Variants in LDLRAD3 observed in about 807,000 individuals in gnomAD.
The protein encoded by LDLRAD3 is low density lipoprotein receptor class A domain containing 3.
Under a neutral mutation model 29.4 loss-of-function variants are expected in LDLRAD3, and 20 were observed. That is an observed-to-expected ratio of 0.68 (90% confidence interval 0.48 to 0.99). The LOEUF (loss-of-function observed/expected upper bound fraction) is 0.99. Ranked by LOEUF, LDLRAD3 falls within the 50% of genes least tolerant of loss-of-function variation. The pLI is 0.00. For synonymous variants in LDLRAD3, 157 were observed against 192.7 expected, an observed-to-expected ratio of 0.81 and a Z score of 1.53; for missense variants, 420 against 454.3, an observed-to-expected ratio of 0.92 and a Z score of 0.69.
At chr11:36,025,591 C>G (rs939682996) in intron 1 of LDLRAD3, among the ~76,000 whole-genome samples, 10 of 151,412 alleles carry the variant, frequency 6.6e-5, no homozygotes, top group East Asian at 5.9e-4. Context: ...GGGTTTCACC[C>G]TGTTAGCCAG....
chr11:36,112,886 T>C (rs1435985671), intron 4 of LDLRAD3, among the ~76,000 whole-genome samples: 1 of 152,238 alleles, frequency 6.6e-6, no homozygotes, highest in African/African-American at 2.4e-5. Context: ...CTCTGCCTTT[T>C]CAGTGAAGCC....
intron 4 of LDLRAD3, among the ~76,000 whole-genome samples, chr11:36,187,725 A>C (rs968163272): frequency 3.3e-5 from 5 of 152,200 alleles, no homozygotes; most frequent in Non-Finnish European, 5.9e-5. Context: ...CAACAAGGAC[A>C]GTGTTGGTAG....
chr11:36,144,509 G>A (rs1289688327), intron 4 of LDLRAD3, among the ~76,000 whole-genome samples: 3 of 149,650 alleles, frequency 2.0e-5, no homozygotes, highest in Non-Finnish European at 4.5e-5. Flanking sequence ...GCCGCCCATC[G>A]TCTGAGATGT....
chr11:36,221,583 T>C (rs771881408), intron 4 of LDLRAD3, among the ~76,000 whole-genome samples: 32 of 152,118 alleles, frequency 2.1e-4, no homozygotes, highest in Non-Finnish European at 3.1e-4. Context: ...GCAGGATCGC[T>C]TGAGCCTAAG....
At chr11:36,131,129 G>C (rs555983345) in intron 4 of LDLRAD3, among the ~76,000 whole-genome samples, 4 of 152,296 alleles carry the variant, frequency 2.6e-5, no homozygotes, top group African/African-American at 9.6e-5. Flanking sequence ...ACTCTAGGCC[G>C]GGCACAGTGG....
intron 4 of LDLRAD3, among the ~76,000 whole-genome samples, chr11:36,158,458 C>G (rs1854386400): frequency 6.6e-6 from 1 of 151,844 alleles, no homozygotes; most frequent in African/African-American, 2.4e-5. Context: ...CCATCCCCAC[C>G]CCCTGTTTAA....
chr11:35,991,943 G>A (rs1001167923), intron 1 of LDLRAD3, among the ~76,000 whole-genome samples: 4 of 149,082 alleles, frequency 2.7e-5, no homozygotes, highest in African/African-American at 5.1e-5. Context: ...TGGCTGTATG[G>A]CTGTATGCTT....
chr11:35,946,648 T>C (rs1474767754), intron 1 of LDLRAD3, among the ~76,000 whole-genome samples: 3 of 152,176 alleles, frequency 2.0e-5, no homozygotes, highest in Non-Finnish European at 2.9e-5. Context: ...AAGGCAGCCA[T>C]GCTGGATGAT....
intron 4 of LDLRAD3, among the ~76,000 whole-genome samples, chr11:36,131,985 G>C (rs1388974212): frequency 1.3e-5 from 2 of 152,088 alleles, no homozygotes; most frequent in Admixed American, 1.3e-4. Context: ...TGCTTGGGGC[G>C]ATGGCTCTGT....
At chr11:35,963,131 C>T (rs530906653) in intron 1 of LDLRAD3, among the ~76,000 whole-genome samples, 1 of 152,284 alleles carries the variant, frequency 6.6e-6, no homozygotes, top group East Asian at 1.9e-4. Flanking sequence ...TAATTACTGT[C>T]CACTTGCATT....
chr11:36,116,125 G>A (rs1195237752), intron 4 of LDLRAD3, among the ~76,000 whole-genome samples: 2 of 152,160 alleles, frequency 1.3e-5, no homozygotes, highest in Admixed American at 6.5e-5. Context: ...GCACTTAGCA[G>A]GTACTTCTAA....
chr11:36,143,715 G>T (rs1854120558), intron 4 of LDLRAD3, among the ~76,000 whole-genome samples: 1 of 152,124 alleles, frequency 6.6e-6, no homozygotes. Flanking sequence ...CAAGCACAAG[G>T]TGTCAGCAGG....
At chr11:36,102,542 G>A (rs770323554) in intron 4 of LDLRAD3, among the ~76,000 whole-genome samples, 1 of 152,140 alleles carries the variant, frequency 6.6e-6, no homozygotes, top group South Asian at 2.1e-4. Flanking sequence ...CCTTATCCTT[G>A]GCCTTGAAAA....
chr11:36,158,832 A>G (rs991710533), intron 4 of LDLRAD3, among the ~76,000 whole-genome samples: 11 of 152,304 alleles, frequency 7.2e-5, no homozygotes, highest in African/African-American at 2.6e-4. Flanking sequence ...ACATATTTAC[A>G]GGGTACAATG....
At chr11:35,998,166 C>A (rs1392375473) in intron 1 of LDLRAD3, among the ~76,000 whole-genome samples, 1 of 152,130 alleles carries the variant, frequency 6.6e-6, no homozygotes, top group Non-Finnish European at 1.5e-5. Flanking sequence ...AGGTGTTTAC[C>A]ACCTCCTTTT....
intron 4 of LDLRAD3, among the ~76,000 whole-genome samples, chr11:36,195,414 A>G (rs773506646): frequency 2.0e-5 from 3 of 152,188 alleles, no homozygotes; most frequent in African/African-American, 4.8e-5. Flanking sequence ...TGTTTATAAC[A>G]TTGTGCAGGG....
At chr11:35,953,709 T>C (rs1466570039) in intron 1 of LDLRAD3, among the ~76,000 whole-genome samples, 1 of 152,214 alleles carries the variant, frequency 6.6e-6, no homozygotes, top group Non-Finnish European at 1.5e-5. Context: ...ACTTGTTTTT[T>C]TATTATAAAA....
chr11:36,043,092 G>A (rs262444), intron 2 of LDLRAD3, among the ~76,000 whole-genome samples: 65,255 of 152,118 alleles, frequency 0.43, 16,865 homozygotes, highest in Admixed American at 0.62. Context: ...TGGGCAGATC[G>A]TTTGAGCCCA....
intron 1 of LDLRAD3, among the ~76,000 whole-genome samples, chr11:35,951,754 A>T (rs944069082): frequency 6.6e-6 from 1 of 152,226 alleles, no homozygotes; most frequent in East Asian, 1.9e-4. Context: ...CTTTTGAAGG[A>T]CATTCTAAAT....
Sources: gnomAD v4.1 joint callset for allele counts (sites outside exome capture counted in the v4.1 genomes callset) on GRCh38, gnomAD v4.1.1 for gene constraint, MANE v1.5 for transcripts, NCBI Gene and HGNC (gene_info 2026-07-23, HGNC 2026-07-21) for gene names.